The following EFL1 variants were observed in gnomAD, a reference collection of about 807,000 sequenced individuals.
EFL1 encodes elongation factor-like GTPase 1.
A neutral mutation model predicts 126.7 loss-of-function variants in EFL1; 76 were observed. The ratio of observed to expected loss-of-function variants is 0.60; its 90% CI spans 0.50 to 0.73. EFL1 has a LOEUF of 0.73. Ranked by LOEUF, EFL1 falls within the 30% of genes least tolerant of loss-of-function variation. The pLI, the probability that EFL1 is intolerant of heterozygous loss-of-function variation, is 0.00. For missense variants in EFL1, 1,128 were observed against 1,343.2 expected (o/e 0.84, Z 2.50); for synonymous variants, 410 against 448.4 (o/e 0.91, Z 1.08).
chr15:82,209,981 C>G (rs558434081), intron 15 of EFL1, among the ~76,000 whole-genome samples: 50 of 152,302 alleles, frequency 3.3e-4, no homozygotes, highest in African/African-American at 1.2e-3. Flanking sequence ...GACTCCGTAT[C>G]ATTTATGATG....
intron 4 of EFL1, among the ~76,000 whole-genome samples, chr15:82,244,013 C>G (rs1410641829): frequency 1.3e-5 from 2 of 152,132 alleles, no homozygotes; most frequent in African/African-American, 4.8e-5. Flanking sequence ...TCTGTTTAAC[C>G]TGGAGTTTCT....
intron 15 of EFL1, among the ~76,000 whole-genome samples, chr15:82,211,403 G>A (rs548151079): frequency 1.3e-5 from 2 of 151,678 alleles, no homozygotes; most frequent in African/African-American, 4.9e-5. Context: ...GCACATGCCT[G>A]TAGTCTCAGC....
intron 7 of EFL1, among the ~76,000 whole-genome samples, chr15:82,237,680 C>G (rs2074887603): frequency 6.6e-6 from 1 of 150,606 alleles, no homozygotes; most frequent in South Asian, 2.1e-4. Flanking sequence ...AGAAATGAAA[C>G]TTATGTTCAC....
intron 17 of EFL1, among the ~76,000 whole-genome samples, chr15:82,156,677 T>C (rs1248487468): frequency 2.6e-5 from 4 of 152,214 alleles, no homozygotes; most frequent in African/African-American, 7.2e-5. Flanking sequence ...TTGAGATAAA[T>C]AGTGCTTAAC....
rs1434399659 is a variant in EFL1 at position 82,138,844 on chromosome 15, T to A, written c.2990-2A>T. 2 of 1,610,176 alleles carry A rather than the reference T, an allele frequency of 1.2e-6. No homozygotes were observed. The highest frequency in any genetic ancestry group is 1.3e-5 in the African/African-American group (1 of 74,704). On this transcript the variant is annotated splice_acceptor_variant, in intron 18 of 19. Coordinates refer to ENST00000268206, the MANE Select transcript of EFL1 (RefSeq NM_024580.6). LOFTEE classifies it high-confidence loss of function. ...TTGACAAGACAGCATAGACTCGACCTGTAAAACCATAAATCTTTTAAAATC... is the reference window on the plus strand; with the variant it reads ...TTGACAAGACAGCATAGACTCGACCAGTAAAACCATAAATCTTTTAAAATC...
intron 18 of EFL1, among the ~76,000 whole-genome samples, chr15:82,144,454 T>C (rs1265286978): frequency 6.6e-6 from 1 of 152,206 alleles, no homozygotes; most frequent in Non-Finnish European, 1.5e-5. Flanking sequence ...TCAAGAGACC[T>C]ACTGTTTCAA....
intron 15 of EFL1, among the ~76,000 whole-genome samples, chr15:82,173,785 T>C (rs916201698): frequency 2.6e-5 from 4 of 152,202 alleles, no homozygotes; most frequent in Non-Finnish European, 5.9e-5. Flanking sequence ...TGGCTACGTC[T>C]GGATAGTGGG....
chr15:82,219,634 T>C lies in EFL1; in HGVS notation c.1611+18A>G, dbSNP rs1194416182. ...CCCTCGAGAAACAATATATAAATATTTTACTTTCAATTCTTACCCTTCGTA... is the reference window on the plus strand; with the variant it reads ...CCCTCGAGAAACAATATATAAATATCTTACTTTCAATTCTTACCCTTCGTA... On this transcript the variant is annotated intron_variant, in intron 14 of 19. Coordinates refer to ENST00000268206, the MANE Select transcript of EFL1 (RefSeq NM_024580.6). 2.6e-5 allele frequency: 41 copies of C among 1,592,446 alleles called. No individual in the cohort carries two copies. The highest frequency in any genetic ancestry group is 5.5e-5 in the African/African-American group (4 of 73,068).
intron 14 of EFL1, 104 bp from the exon 15 acceptor site, chr15:82,214,959 C>G (rs2074630321): frequency 1.3e-5 from 15 of 1,117,910 alleles, no homozygotes; most frequent in Non-Finnish European, 1.8e-5. Flanking sequence ...GGTATAGCAA[C>G]ATTTCATGTA....
intron 4 of EFL1, among the ~76,000 whole-genome samples, chr15:82,249,467 G>C (rs1186156747): frequency 4.0e-5 from 6 of 151,850 alleles, no homozygotes; most frequent in Non-Finnish European, 8.8e-5. Context: ...ATAAAAAATG[G>C]CTATACAGTA....
chr15:82,251,304 T>C (rs2075019336), intron 4 of EFL1, among the ~76,000 whole-genome samples: 1 of 152,174 alleles, frequency 6.6e-6, no homozygotes, highest in Non-Finnish European at 1.5e-5. Flanking sequence ...GTTCAGACCA[T>C]TCAGTTCCCA....
intron 2 of EFL1, among the ~76,000 whole-genome samples, chr15:82,261,108 T>G (rs1043154200): frequency 1.1e-4 from 16 of 152,218 alleles, no homozygotes; most frequent in African/African-American, 3.4e-4. Context: ...TTTGTCATCT[T>G]GAGCCCCCTT....
At chr15:82,145,123 G>C (rs1034896184) in intron 18 of EFL1, among the ~76,000 whole-genome samples, 2 of 151,702 alleles carry the variant, frequency 1.3e-5, no homozygotes, top group Non-Finnish European at 2.9e-5. Flanking sequence ...GACCAACATG[G>C]AGAAACCCCA....
intron 15 of EFL1, among the ~76,000 whole-genome samples, chr15:82,172,389 C>G (rs2074145844): frequency 6.6e-6 from 1 of 152,206 alleles, no homozygotes; most frequent in African/African-American, 2.4e-5. Context: ...CACAGCCATA[C>G]AACCCCTCTC....
chr15:82,183,813 C>T lies in EFL1; in HGVS notation c.1751-19829G>A, dbSNP rs2074276428. On this transcript the variant is annotated intron_variant, in intron 15 of 19. Coordinates refer to ENST00000268206, the MANE Select transcript of EFL1 (RefSeq NM_024580.6). ...GCCAGCATTAAAATAAAACCAAGCA[C>T]AGGATTCCCTAAAAACTGCAAAGCA... Among the ~76,000 whole-genome samples, 7 of 152,316 alleles carry T rather than the reference C, an allele frequency of 4.6e-5. No individual in the cohort carries two copies. The South Asian group carries it at 1.4e-3, about 32-fold the overall frequency.
At chr15:82,205,692 A>G (rs1003663853) in intron 15 of EFL1, among the ~76,000 whole-genome samples, 3 of 152,312 alleles carry the variant, frequency 2.0e-5, no homozygotes, top group African/African-American at 7.2e-5. Context: ...TGGCCTCTAC[A>G]TTGTTAAATG....
chr15:82,193,186 T>G (rs1019248121), intron 15 of EFL1, among the ~76,000 whole-genome samples: 10 of 152,210 alleles, frequency 6.6e-5, no homozygotes, highest in African/African-American at 2.4e-4. Context: ...AGGATTTTGC[T>G]ATAGTTTGTG....
chr15:82,229,640 A>G (rs1265477083), intron 8 of EFL1, among the ~76,000 whole-genome samples: 2 of 152,182 alleles, frequency 1.3e-5, no homozygotes, highest in African/African-American at 4.8e-5. Flanking sequence ...TAATAAATTG[A>G]TACCTCCTTT....
rs1227878009 is a variant in EFL1, at chr15:82,152,351, T to A, written c.2103A>T (p.Lys701Asn). ...PFRETITKPP[K>N]VDMVNEEIGK... Reference sequence around the variant, plus strand: ...CTATTTCTTCATTGACCATGTCAACTTTTGGGGGTTTTGTGATTGTTTCTC... The same window carrying A: ...CTATTTCTTCATTGACCATGTCAACATTTGGGGGTTTTGTGATTGTTTCTC... The change falls in exon 18 of 20, where the codon AAA (lysine) becomes AAT (asparagine). Residue 701 changes from lysine to asparagine, a missense_variant. Coordinates refer to ENST00000268206, the MANE Select transcript of EFL1 (RefSeq NM_024580.6). 1 of 1,613,820 alleles carries A rather than the reference T, an allele frequency of 6.2e-7. No individual in the cohort carries two copies. The highest frequency in any genetic ancestry group is 1.3e-5 in the African/African-American group (1 of 75,040).
Sources: gnomAD v4.1 joint callset for allele counts (sites outside exome capture counted in the v4.1 genomes callset) on GRCh38, gnomAD v4.1.1 for gene constraint, MANE v1.5 for transcripts, NCBI Gene and HGNC (gene_info 2026-07-23, HGNC 2026-07-21) for gene names.